Variants in CFAP54 observed in about 807,000 individuals in gnomAD.
The protein encoded by CFAP54 is cilia and flagella associated protein 54, also known as cilia- and flagella-associated protein 54.
In CFAP54, 290 loss-of-function variants were observed where a neutral mutation model predicts 370.4. The ratio of observed to expected loss-of-function variants is 0.78; its 90% CI spans 0.71 to 0.86. CFAP54 has a LOEUF of 0.86. CFAP54 is among the 40% of genes least tolerant of loss of function. The pLI, the probability that CFAP54 is intolerant of heterozygous loss-of-function variation, is 0.00. For synonymous variants in CFAP54, 1,206 were observed against 1,236.5 expected, an observed-to-expected ratio of 0.98 and a Z score of 0.52; for missense variants, 3,399 against 3,528.7, an observed-to-expected ratio of 0.96 and a Z score of 0.93.
At chr12:96,546,828 C>CA (rs58288683) in intron 14 of CFAP54, among the ~76,000 whole-genome samples, 38,317 of 139,662 alleles carry the variant, frequency 0.27, 5,199 homozygotes, top group South Asian at 0.41. Flanking sequence ...GACTCCATCT[C>CA]AAAAAAAAAA....
intron 66 of CFAP54, among the ~76,000 whole-genome samples, chr12:96,830,852 T>C (rs1407577362): frequency 6.6e-6 from 1 of 152,038 alleles, no homozygotes; most frequent in Non-Finnish European, 1.5e-5. Flanking sequence ...TAATTTTTTT[T>C]TTTAGTAGCG....
At position 96,806,828 on chromosome 12, in the gene CFAP54, G is replaced by A. The variant is rs889604310; in HGVS notation, c.8851-4908G>A. 2.6e-5 allele frequency among the ~76,000 whole-genome samples: 4 copies of A among 152,108 alleles called. No homozygotes were observed. The East Asian group carries it at 7.7e-4, about 29-fold the overall frequency. ...CAGGGAGCTTGGGAAGGCAAAAGCT[G>A]TTTAAGGGAGATAGGGACTGACATT... On this transcript the variant is annotated intron_variant, in intron 63 of 67. Coordinates refer to ENST00000524981, the MANE Select transcript of CFAP54 (RefSeq NM_001306084.2).
Position 96,592,569 on chromosome 12 carries a change from A to G in CFAP54, c.3292A>G (p.Ile1098Val), listed in dbSNP as rs1188803303. ...FLRNIFVTSD[I>V]KIKEENLFCD... ...TAGAAATATTTTTGTAACAAGTGAC[A>G]TCAAAATTAAAGAAGAAAATCTTTT... Residue 1098 changes from isoleucine (I) to valine (V), a missense_variant, in exon 24 of 68, where the codon ATC becomes GTC. Physicochemically the swap from Ile to Val is conservative, Grantham distance 29. Coordinates refer to ENST00000524981, the MANE Select transcript of CFAP54 (RefSeq NM_001306084.2). 3 of 1,236,056 alleles carry G rather than the reference A, an allele frequency of 2.4e-6. No homozygotes were observed. Among genetic ancestry groups the G allele is most frequent in the African/African-American group, 1.5e-5 (1 of 64,844 alleles). The allele number at this position is 1,236,056 out of a possible 1,614,324, so 76.6% of individuals were successfully genotyped here.
At chr12:96,664,798 TATATATATATATATAG>T (rs1214527809) in intron 39 of CFAP54, among the ~76,000 whole-genome samples, 955 of 41,644 alleles carry the variant, frequency 0.023, 35 homozygotes, top group East Asian at 0.085. Context: ...TATATATATA[TATATATATATATATAG>T]ATATATATAT....
At chr12:96,640,139 G>T (rs563985168) in intron 32 of CFAP54, among the ~76,000 whole-genome samples, 59 of 152,236 alleles carry the variant, frequency 3.9e-4, no homozygotes, top group African/African-American at 1.4e-3. Flanking sequence ...AAGTCAAATT[G>T]TCCCTGTTTG....
At chr12:96,675,487 G>A (rs1957195503) in intron 39 of CFAP54, among the ~76,000 whole-genome samples, 1 of 152,204 alleles carries the variant, frequency 6.6e-6, no homozygotes, top group African/African-American at 2.4e-5. Flanking sequence ...TACACTGTTG[G>A]TGGGAAAGTA....
intron 32 of CFAP54, among the ~76,000 whole-genome samples, chr12:96,643,773 C>T (rs1311918819): frequency 2.0e-5 from 3 of 152,012 alleles, no homozygotes; most frequent in East Asian, 1.9e-4. Flanking sequence ...AATTTTGCTG[C>T]GTTGTTTTTT....
intron 55 of CFAP54, 109 bp from the exon 56 acceptor site, chr12:96,753,634 A>C: frequency 9.2e-7 from 1 of 1,082,024 alleles, no homozygotes. Context: ...AAAAACTACC[A>C]AAGTTCTTGA....
chr12:96,811,839 A>T lies in CFAP54; in HGVS notation c.8954A>T (p.Asn2985Ile). Residue 2985 changes from asparagine (N) to isoleucine (I), a missense_variant, in exon 64 of 68, where the codon AAT becomes ATT. Physicochemically the swap from Asn to Ile is moderately radical, Grantham distance 149. Around this residue, in one of 3 missense-constraint regions of CFAP54, gnomAD observed 2,796 missense variants for 2,869.7 expected, o/e 0.97. Transcript: ENST00000524981. ...GTTGGCTCTTTATGGATTCCACTGA[A>T]TAGGCAAGTAAAAATTCCACAACTC... ...TCVGSLWIPL[N>I]RVIAIHEKLS... is the part of the protein sequence containing the mutation. The T allele has an allele frequency of 1.4e-6, 2 of 1,467,338 alleles. No individual in the cohort carries two copies. The highest frequency in any genetic ancestry group is 2.6e-5 in the South Asian group (2 of 77,224). The allele number at this position is 1,467,338 out of a possible 1,614,324, so 90.9% of individuals were successfully genotyped here.
intron 66 of CFAP54, among the ~76,000 whole-genome samples, chr12:96,831,623 A>C (rs1463943520): frequency 2.0e-5 from 3 of 152,174 alleles, no homozygotes; most frequent in African/African-American, 7.2e-5. Context: ...GGAAGACTGA[A>C]GACTTCTCTG....
intron 58 of CFAP54, among the ~76,000 whole-genome samples, chr12:96,758,024 C>T (rs536157562): frequency 6.6e-6 from 1 of 152,264 alleles, no homozygotes; most frequent in South Asian, 2.1e-4. Flanking sequence ...TTGATAGAAT[C>T]ATTCATACAT....
At chr12:96,755,629 C>T (rs193118936) in intron 56 of CFAP54, among the ~76,000 whole-genome samples, 4 of 151,150 alleles carry the variant, frequency 2.6e-5, no homozygotes, top group East Asian at 1.9e-4. Flanking sequence ...AATAGTATTC[C>T]GTTGTGTATA....
At chr12:96,611,974 G>C (rs775702400) in intron 26 of CFAP54, among the ~76,000 whole-genome samples, 9 of 152,174 alleles carry the variant, frequency 5.9e-5, no homozygotes, top group Non-Finnish European at 1.0e-4. Flanking sequence ...CACTCTGCAG[G>C]ATATTATCCG....
intron 58 of CFAP54, among the ~76,000 whole-genome samples, chr12:96,763,643 G>A (rs968498696): frequency 6.6e-6 from 1 of 152,092 alleles, no homozygotes; most frequent in East Asian, 1.9e-4. Context: ...GCTGGGTGTG[G>A]TGGTGCATGC....
intron 65 of CFAP54, 38 bp downstream of exon 65, chr12:96,817,951 A>G: frequency 7.5e-7 from 1 of 1,332,960 alleles, no homozygotes; most frequent in Non-Finnish European, 9.9e-7. Flanking sequence ...ATTGCTATAG[A>G]TTATCTTTTA....
At chr12:96,726,878 T>A (rs1364300640) in intron 50 of CFAP54, among the ~76,000 whole-genome samples, 1 of 151,742 alleles carries the variant, frequency 6.6e-6, no homozygotes, top group Non-Finnish European at 1.5e-5. Flanking sequence ...ATGTTGTGTC[T>A]TTGTTCTCAT....
chr12:96,544,408 ATATCTCTCTCTC>A (rs1018462718), intron 14 of CFAP54, among the ~76,000 whole-genome samples: 8 of 106,764 alleles, frequency 7.5e-5, no homozygotes, highest in African/African-American at 2.2e-4. Context: ...AGAAAACAGA[ATATCTCTCTCTC>A]TCTCTCTCTC....
chr12:96,691,632 C>T (rs1592710945), intron 44 of CFAP54, among the ~76,000 whole-genome samples: 2 of 152,128 alleles, frequency 1.3e-5, no homozygotes, highest in Admixed American at 1.3e-4. Context: ...TTGTAAGCCA[C>T]TGCATTAAGT....
intron 60 of CFAP54, among the ~76,000 whole-genome samples, chr12:96,781,470 T>C (rs919581172): frequency 2.6e-5 from 4 of 152,168 alleles, no homozygotes; most frequent in African/African-American, 9.6e-5. Context: ...AAACAATTCC[T>C]ATACAATCAT....
Sources: allele counts gnomAD v4.1 joint callset (sites outside exome capture counted in the v4.1 genomes callset), GRCh38; gene constraint gnomAD v4.1.1; regional missense constraint gnomAD v4.1.1; transcripts MANE v1.5; gene names NCBI Gene and HGNC (gene_info 2026-07-23, HGNC 2026-07-21).